Variants in METTL9 observed in about 807,000 individuals in gnomAD.
The protein encoded by METTL9 is methyltransferase 9, His-X-His N1(pi)-histidine.
In METTL9, 10 loss-of-function variants were observed where a neutral mutation model predicts 36.0. The ratio of observed to expected loss-of-function variants is 0.28; its 90% confidence interval spans 0.17 to 0.47. METTL9 has a LOEUF of 0.47. METTL9 is among the 20% of genes least tolerant of loss of function. The pLI is 0.99. For missense variants in METTL9, 246 were observed against 383.5 expected (o/e 0.64, Z 3.00); for synonymous variants, 175 against 149.7 (o/e 1.17, Z -1.23).
At chr16:21,625,290 G>A in intron 4 of METTL9, 175 bp downstream of exon 4, 1 of 673,626 alleles carries the variant, frequency 1.5e-6, no homozygotes, top group Non-Finnish European at 2.5e-6. Context: ...CCTTAAGGTG[G>A]ACTTTATAGA....
intron 4 of METTL9, among the ~76,000 whole-genome samples, chr16:21,636,920 T>C (rs956726623): frequency 3.3e-5 from 5 of 152,158 alleles, no homozygotes; most frequent in South Asian, 2.1e-4. Flanking sequence ...CACTTGGCGA[T>C]AGGTGATAGT....
intron 3 of METTL9, among the ~76,000 whole-genome samples, chr16:21,622,088 C>T (rs1025622313): frequency 6.2e-5 from 9 of 145,482 alleles, no homozygotes; most frequent in African/African-American, 7.8e-5. Flanking sequence ...GCAATCTGCC[C>T]GCTTTGGCCT....
At chr16:21,625,996 C>T (rs1313617836) in intron 4 of METTL9, among the ~76,000 whole-genome samples, 1 of 152,084 alleles carries the variant, frequency 6.6e-6, no homozygotes, top group African/African-American at 2.4e-5. Flanking sequence ...CTCGTGGGTT[C>T]AGGCATTCTC....
intron 4 of METTL9, chr16:21,652,020 G>C (rs946919514): frequency 1.3e-5 from 2 of 151,932 alleles, no homozygotes; most frequent in African/African-American, 4.8e-5. Flanking sequence ...GGGCAAATCT[G>C]AGATTACTAG....
chr16:21,632,664 C>G (rs535989275), intron 4 of METTL9, among the ~76,000 whole-genome samples: 20 of 152,256 alleles, frequency 1.3e-4, no homozygotes, highest in African/African-American at 4.8e-4. Context: ...TAGCCATAAA[C>G]TTCCTTTGGC....
chr16:21,598,819 G>A (rs1014532563), upstream of METTL9, among the ~76,000 whole-genome samples: 1 of 152,150 alleles, frequency 6.6e-6, no homozygotes, highest in Non-Finnish European at 1.5e-5. Context: ...CTAACTTGAG[G>A]TCTTCATTCT....
chr16:21,644,489 G>T (rs1308992617), intron 4 of METTL9: 1 of 830,768 alleles, frequency 1.2e-6, no homozygotes, highest in Non-Finnish European at 2.0e-6. Context: ...CGTTTTAGAG[G>T]TGAAACGTGA....
chr16:21,630,515 G>C (rs895243273), intron 4 of METTL9, among the ~76,000 whole-genome samples: 1 of 152,180 alleles, frequency 6.6e-6, no homozygotes, highest in African/African-American at 2.4e-5. Flanking sequence ...TCAATCCCCC[G>C]TCTAAACAGG....
intron 4 of METTL9, chr16:21,652,488 G>T: frequency 6.8e-7 from 1 of 1,479,198 alleles, no homozygotes; most frequent in Non-Finnish European, 9.4e-7. Context: ...AAAAATAGCA[G>T]TTGATTTAAA....
At chr16:21,646,964 G>T (rs1159007621) in intron 4 of METTL9, 6 of 870,766 alleles carry the variant, frequency 6.9e-6, no homozygotes, top group Non-Finnish European at 1.1e-5. Context: ...AGTTGGAGTA[G>T]TTCTTTAGTC....
At position 21,620,942 on chromosome 16, in the gene METTL9, G is replaced by T. The variant is rs531332774; in HGVS notation, c.566+2868G>T. Among the ~76,000 whole-genome samples the T allele has an allele frequency of 4.0e-5, 6 of 151,840 alleles. No individual in the cohort carries two copies. In the South Asian group the frequency reaches 1.2e-3, roughly 32 times the overall value. Reference sequence around the variant, plus strand: ...TATTTTCTATTTCTCTTCAATATCTGGGCCATGAAAAACAGGCTTTTTATT... The same window carrying T: ...TATTTTCTATTTCTCTTCAATATCTTGGCCATGAAAAACAGGCTTTTTATT... On this transcript the variant is annotated intron_variant, in intron 3 of 4. Coordinates refer to ENST00000358154, the MANE Select transcript of METTL9 (RefSeq NM_016025.5).
At position 21,625,988 on chromosome 16, in the gene METTL9, C is replaced by T. The variant is rs183145244; in HGVS notation, c.751+873C>T. On this transcript the variant is annotated intron_variant, in intron 4 of 4. Coordinates refer to ENST00000358154, the MANE Select transcript of METTL9 (RefSeq NM_016025.5). Reference sequence around the variant, plus strand: ...TCTTGGCTCACTGCAACCTCTACCTCGTGGGTTCAGGCATTCTCCGGCCTC... The same window carrying T: ...TCTTGGCTCACTGCAACCTCTACCTTGTGGGTTCAGGCATTCTCCGGCCTC... 2.2e-3 allele frequency among the ~76,000 whole-genome samples: 332 copies of T among 152,228 alleles called. 1 individual carries two copies. Among genetic ancestry groups the T allele is most frequent in the African/African-American group, 7.4e-3 (306 of 41,532 alleles).
At chr16:21,624,860 T>C in intron 3 of METTL9, 71 bp from the exon 4 acceptor site, 8 of 1,349,806 alleles carry the variant, frequency 5.9e-6, no homozygotes. Context: ...GCCTTTATTG[T>C]CATCTCAGTT....
chr16:21,600,773 A>G (rs971767924), intron 1 of METTL9, among the ~76,000 whole-genome samples: 4 of 152,210 alleles, frequency 2.6e-5, no homozygotes, highest in Admixed American at 2.6e-4. Flanking sequence ...TTTGCAGTTA[A>G]TGTTAAATTC....
upstream of METTL9, among the ~76,000 whole-genome samples, chr16:21,597,497 G>A (rs1463132720): frequency 4.6e-5 from 7 of 152,150 alleles, no homozygotes; most frequent in Admixed American, 3.3e-4. Flanking sequence ...GCTCCTTTGA[G>A]CTGTTAGGCT....
chr16:21,645,371 T>A (rs1330423874), intron 4 of METTL9, among the ~76,000 whole-genome samples: 1 of 152,116 alleles, frequency 6.6e-6, no homozygotes, highest in Non-Finnish European at 1.5e-5. Context: ...GAGAATCGCT[T>A]GAACCCGGAA....
At chr16:21,652,401 T>C (rs767524572) in intron 4 of METTL9, 5 of 586,280 alleles carry the variant, frequency 8.5e-6, no homozygotes, top group Non-Finnish European at 8.5e-6. Flanking sequence ...AGGAAACTTA[T>C]CCTCTTAGGC....
At chr16:21,635,649 G>C (rs1966073978) in intron 4 of METTL9, among the ~76,000 whole-genome samples, 1 of 152,106 alleles carries the variant, frequency 6.6e-6, no homozygotes, top group South Asian at 2.1e-4. Flanking sequence ...CTAGGCCATA[G>C]TGCAGAAAAA....
chr16:21,618,214 T>C, intron 3 of METTL9, 140 bp downstream of exon 3: 1 of 736,858 alleles, frequency 1.4e-6, no homozygotes, highest in Admixed American at 3.6e-5. Flanking sequence ...AGAAATAATC[T>C]TCTGGTAGCA....
Sources: gnomAD v4.1 joint callset for allele counts (sites outside exome capture counted in the v4.1 genomes callset) on GRCh38, gnomAD v4.1.1 for gene constraint, MANE v1.5 for transcripts, NCBI Gene and HGNC (gene_info 2026-07-23, HGNC 2026-07-21) for gene names.